DNHD1: variants seen among roughly 807,000 people sequenced by gnomAD.
The protein encoded by DNHD1 is dynein heavy chain domain 1, also known as dynein heavy chain domain-containing protein 1.
DNHD1 carries 383 observed loss-of-function variants against 458.1 expected under a neutral mutation model. The ratio of observed to expected loss-of-function variants is 0.84; its 90% CI spans 0.77 to 0.91. DNHD1 has a LOEUF of 0.91. DNHD1 is among the 40% of genes least tolerant of loss of function. DNHD1 has a pLI of 0.00. For missense variants in DNHD1, 5,336 were observed against 5,866.1 expected (o/e 0.91, Z 2.95); for synonymous variants, 2,203 against 2,376.9 (o/e 0.93, Z 2.13).
intron 28 of DNHD1, among the ~76,000 whole-genome samples, chr11:6,559,725 T>C (rs1853546313): frequency 6.6e-6 from 1 of 152,234 alleles, no homozygotes; most frequent in Middle Eastern, 3.2e-3. Flanking sequence ...TGAGGACATG[T>C]AGATGGGTGA....
chr11:6,571,125 G>T lies in DNHD1; in HGVS notation c.13613G>T (p.Arg4538Leu). Residue 4538 changes from arginine to leucine, a missense_variant, in exon 42 of 43, where the codon CGA becomes CTA. This residue lies in a region of DNHD1 where 698 missense variants were observed against 664.9 expected (regional missense o/e 1.05). Transcript: ENST00000254579. This position sits in a 1 kb window ranked among gnomAD's most constrained non-coding sequence, Gnocchi z 5.0. ...ACTGGCCGCCTACCCTTGCCTTGGC[G>T]ACCTCATGCGCCGGCCGGTCCGCAG... The part of the protein sequence containing the change: ...LWTGRLPLPW[R>L]PHAPAGPQPP... The T allele has an allele frequency of 6.3e-7, 1 of 1,599,878 alleles. No homozygotes were observed. Among genetic ancestry groups the T allele is most frequent in the Non-Finnish European group, 8.5e-7 (1 of 1,174,914 alleles).
chr11:6,539,404 T>A, intron 17 of DNHD1, 91 bp downstream of exon 17: 1 of 1,007,752 alleles, frequency 9.9e-7, no homozygotes, highest in African/African-American at 1.6e-5. Context: ...TGGCATGTGA[T>A]TTAATGTGGG....
chr11:6,511,135 A>G (rs2134378890), intron 6 of DNHD1, 138 bp from the exon 7 acceptor site: 1 of 1,160,358 alleles, frequency 8.6e-7, no homozygotes, highest in Middle Eastern at 3.1e-4. Context: ...GGGAGCTGTC[A>G]CTATTGGTCA....
chr11:6,499,084 TC>T, intron 3 of DNHD1, 123 bp downstream of exon 3: 1 of 1,149,494 alleles, frequency 8.7e-7, no homozygotes, highest in Non-Finnish European at 1.2e-6. Flanking sequence ...TTAGCCCAAC[TC>T]CACACAAAGC....
intron 24 of DNHD1, among the ~76,000 whole-genome samples, chr11:6,551,713 A>G (rs150549805): frequency 6.6e-6 from 1 of 151,814 alleles, no homozygotes; most frequent in African/African-American, 2.4e-5. Flanking sequence ...GAGGCCAAGG[A>G]GGGCAGATCA....
At chr11:6,526,792 T>G (rs1401109776) in intron 10 of DNHD1, among the ~76,000 whole-genome samples, 1 of 152,228 alleles carries the variant, frequency 6.6e-6, no homozygotes, top group Non-Finnish European at 1.5e-5. Flanking sequence ...ATAGATTACT[T>G]AAGCTTCTAT....
intron 16 of DNHD1, 106 bp from the exon 17 acceptor site, chr11:6,539,112 TC>T (rs1045164547): frequency 1.3e-6 from 1 of 764,646 alleles, no homozygotes; most frequent in Non-Finnish European, 2.2e-6. Flanking sequence ...AGATCTGCTA[TC>T]TGGGGTCTGA....
chr11:6,571,615 AC>A lies in DNHD1; in HGVS notation c.13912-19del. The A allele has an allele frequency of 1.3e-6, 2 of 1,533,590 alleles. No individual in the cohort carries two copies. The highest frequency in any genetic ancestry group is 1.8e-6 in the Non-Finnish European group (2 of 1,136,524). The allele number at this position is 1,533,590 out of a possible 1,614,324, so 95.0% of individuals were successfully genotyped here. A position where few individuals can be genotyped will look rare whatever the true frequency, so the allele number is the denominator to read the frequency against. On this transcript the variant is annotated intron_variant, in intron 42 of 42. Coordinates refer to ENST00000254579, the MANE Select transcript of DNHD1 (RefSeq NM_144666.3). This position sits in a 1 kb window ranked among gnomAD's most constrained non-coding sequence, Gnocchi z 5.0. Reference sequence around the variant, plus strand: ...CCTCCCAGCTTCCTAGCCTTGCCTGACCAGCTTCTGACGCCCCCAGGTGGAG... The same window carrying A: ...CCTCCCAGCTTCCTAGCCTTGCCTGACAGCTTCTGACGCCCCCAGGTGGAG...
intron 35 of DNHD1, 57 bp from the exon 36 acceptor site, chr11:6,566,838 A>T: frequency 6.3e-7 from 1 of 1,599,932 alleles, no homozygotes; most frequent in Admixed American, 1.7e-5. Context: ...AGATGAATGT[A>T]GATGTTTGGG....
rs946062608 is a variant in DNHD1, at chr11:6,558,208, A to G, written c.8913A>G (p.Thr2971=). 3 of 1,551,604 alleles carry G rather than the reference A, an allele frequency of 1.9e-6. No individual in the cohort carries two copies. The highest frequency in any genetic ancestry group is 2.7e-5 in the African/African-American group (2 of 73,038). The change falls in exon 25 of 43, where the codon ACA becomes ACG. Residue 2971 remains threonine (T), a synonymous_variant. Transcript: ENST00000254579. ...ATSGSFPGQY[T]EADLDRIGEH... is the part of the protein sequence containing the mutation. ...CAGGCAGTTTCCCTGGCCAGTACAC[A>G]GAAGCAGATTTGGACCGCATTGGAG...
chr11:6,535,387 A>C (rs572327594), intron 14 of DNHD1, among the ~76,000 whole-genome samples: 1 of 151,954 alleles, frequency 6.6e-6, no homozygotes, highest in African/African-American at 2.4e-5. Context: ...CATTGTGCTC[A>C]GGTCTTAGTT....
chr11:6,549,082 C>A, intron 24 of DNHD1, 149 bp downstream of exon 24: 1 of 841,426 alleles, frequency 1.2e-6, no homozygotes, highest in Non-Finnish European at 1.8e-6. Context: ...ACATATGCTC[C>A]CTGAACAATC....
chr11:6,534,126 C>A lies in DNHD1; in HGVS notation c.2951C>A (p.Thr984Lys). Reference protein sequence around the residue: ...LVSLERQFQNTVSDLSELHHA... With the variant: ...LVSLERQFQNKVSDLSELHHA... ...TCCCTAGAGCGTCAGTTCCAGAACA[C>A]AGTCAGCGACCTCAGTGAACTGCAC... The change falls in exon 14 of 43, where the codon ACA (threonine) becomes AAA (lysine). Residue 984 changes from threonine to lysine, a missense_variant. By Grantham distance (78) the Thr-to-Lys change is moderately conservative (BLOSUM62 -1). Coordinates refer to ENST00000254579, the MANE Select transcript of DNHD1 (RefSeq NM_144666.3). 6.4e-7 allele frequency: 1 copy of A among 1,551,444 alleles called. No homozygotes were observed. Among genetic ancestry groups the A allele is most frequent in the South Asian group, 1.2e-5 (1 of 84,044 alleles).
chr11:6,571,936 A>C lies in DNHD1; in HGVS notation c.14212A>C (p.Asn4738His). ...HLPLPTKLTP[N>H]TCVQRRVHVC... is the part of the protein sequence containing the mutation. ...GCCTTTACCCACCAAGCTCACCCCC[A>C]ACACCTGTGTCCAAAGGAGGGTCCA... The change falls in exon 43 of 43, where the codon AAC becomes CAC. Residue 4738 changes from asparagine to histidine, a missense_variant. By Grantham distance (68) the Asn-to-His change is moderately conservative (BLOSUM62 1). This residue lies in a region of DNHD1 where 698 missense variants were observed against 664.9 expected (regional missense o/e 1.05). Transcript: ENST00000254579. This position sits in a 1 kb window ranked among gnomAD's most constrained non-coding sequence, Gnocchi z 5.0. 2 of 1,613,886 alleles carry C rather than the reference A, an allele frequency of 1.2e-6. No individual in the cohort carries two copies. The highest frequency in any genetic ancestry group is 1.7e-6 in the Non-Finnish European group (2 of 1,179,826).
chr11:6,512,289 C>G (rs922059007), intron 7 of DNHD1, among the ~76,000 whole-genome samples: 1 of 134,230 alleles, frequency 7.4e-6, no homozygotes, highest in East Asian at 2.4e-4. Flanking sequence ...GGCGGGATCT[C>G]GGCTCACTGC....
intron 7 of DNHD1, among the ~76,000 whole-genome samples, chr11:6,512,465 G>A (rs749401121): frequency 6.8e-4 from 103 of 151,710 alleles, no homozygotes; most frequent in South Asian, 8.3e-4. Flanking sequence ...CTTGTGATCC[G>A]CCCACCTCGG....
At chr11:6,561,930 G>A (rs972163242) in intron 28 of DNHD1, among the ~76,000 whole-genome samples, 12 of 152,160 alleles carry the variant, frequency 7.9e-5, no homozygotes, top group African/African-American at 2.7e-4. Context: ...TAGGGGCCTG[G>A]TCATGGGGGT....
Position 6,498,063 on chromosome 11 carries a change from C to T in DNHD1, c.-153C>T. ...TCCTCCTAACCCCATTGACTCTGAC[C>T]ATCCCCTGCCCAGAGCCTGAGGTCC... is the stretch of plus-strand genomic sequence containing the variant. On this transcript the variant is annotated 5_prime_UTR_variant, in exon 3 of 43. Coordinates refer to ENST00000254579, the MANE Select transcript of DNHD1 (RefSeq NM_144666.3). 9.6e-7 allele frequency: 1 copy of T among 1,043,850 alleles called. No individual in the cohort carries two copies. The highest frequency in any genetic ancestry group is 1.4e-6 in the Non-Finnish European group (1 of 707,830). 64.7% of individuals were successfully genotyped at this position (1,043,850 alleles called of 1,614,324 possible).
At chr11:6,525,733 A>C (rs1293637099) in intron 10 of DNHD1, among the ~76,000 whole-genome samples, 1 of 152,174 alleles carries the variant, frequency 6.6e-6, no homozygotes, top group Non-Finnish European at 1.5e-5. Context: ...TTGTTGGTTT[A>C]TACTTTTTTC....
Sources: gnomAD v4.1 joint callset for allele counts (sites outside exome capture counted in the v4.1 genomes callset) on GRCh38, gnomAD v4.1.1 for gene constraint, gnomAD v4.1.1 regional missense constraint, Gnocchi (gnomAD v3.1) non-coding constraint, MANE v1.5 for transcripts, NCBI Gene and HGNC (gene_info 2026-07-23, HGNC 2026-07-21) for gene names.